The following ZSCAN10 variants were observed in gnomAD, a reference collection of about 807,000 sequenced individuals.
ZSCAN10 encodes the protein zinc finger and SCAN domain-containing protein 10.
In ZSCAN10, 52 loss-of-function variants were observed where a neutral mutation model predicts 63.7. The observed-to-expected ratio is 0.82, with a 90% CI of 0.65 to 1.03. The LOEUF (loss-of-function observed/expected upper bound fraction) is 1.03. Among genes scored for constraint, ZSCAN10 ranks in the 50% least tolerant of loss-of-function variants. The pLI, the probability that ZSCAN10 is intolerant of heterozygous loss-of-function variation, is 0.00. For synonymous variants in ZSCAN10, 544 were observed against 479.6 expected (o/e 1.13, Z -1.76); for missense variants, 1,223 against 1,103.8 (o/e 1.11, Z -1.53).
intron 2 of ZSCAN10, 28 bp downstream of exon 2, chr16:3,092,514 T>C (rs776040355): frequency 3.4e-6 from 5 of 1,473,270 alleles, no homozygotes; most frequent in Non-Finnish European, 4.5e-6. Flanking sequence ...ATCCGCATGC[T>C]GCTCAGCCCG....
At chr16:3,091,950 C>T (rs1957083528) in intron 3 of ZSCAN10, 99 bp downstream of exon 3, 1 of 1,579,660 alleles carries the variant, frequency 6.3e-7, no homozygotes, top group Admixed American at 1.7e-5. Context: ...GCTCTCCTGT[C>T]CTGGTCACCT....
intron 1 of ZSCAN10, among the ~76,000 whole-genome samples, chr16:3,097,522 C>T (rs1208887460): frequency 6.6e-6 from 1 of 152,130 alleles, no homozygotes; most frequent in Non-Finnish European, 1.5e-5. Context: ...CAGGGTGGGG[C>T]CAGATAAGCG....
intron 1 of ZSCAN10, among the ~76,000 whole-genome samples, chr16:3,097,213 C>G (rs1245023100): frequency 6.6e-6 from 1 of 151,414 alleles, no homozygotes; most frequent in African/African-American, 2.4e-5. Flanking sequence ...GTTCCCTGAA[C>G]CTCCTCAGGT....
Position 3,089,672 on chromosome 16 carries a change from C to T in ZSCAN10, c.1762G>A (p.Val588Met). The change falls in exon 6 of 6, where the codon GTG (valine) becomes ATG (methionine). Residue 588 changes from valine (V) to methionine (M), a missense_variant. Val to Met is a conservative substitution (Grantham distance 21). Coordinates refer to ENST00000576985, the MANE Select transcript of ZSCAN10 (RefSeq NM_032805.3). ...TGGCGGGCAAGGCTGGCCCGGCGCA[C>T]AAAGCGCTTCCCGCACTGCGGACAG... ...YACPQCGKRF[V>M]RRASLARHLL... 3.1e-6 allele frequency: 5 copies of T among 1,596,012 alleles called. No individual in the cohort carries two copies. The highest frequency in any genetic ancestry group is 4.3e-6 in the Non-Finnish European group (5 of 1,172,506).
intron 1 of ZSCAN10, among the ~76,000 whole-genome samples, chr16:3,098,059 AAAAG>A (rs1162529634): frequency 3.0e-4 from 45 of 150,234 alleles, no homozygotes; most frequent in Non-Finnish European, 4.1e-4. Flanking sequence ...AAAAAAAAAA[AAAAG>A]AAAGAAAGAA....
Position 3,091,533 on chromosome 16 carries a change from T to C in ZSCAN10, c.787+7A>G. On this transcript the variant is annotated splice_region_variant and intron_variant, in intron 5 of 5. Coordinates refer to ENST00000576985, the MANE Select transcript of ZSCAN10 (RefSeq NM_032805.3). ...AGTGGTCACTTCTCCAGGGAAGGGT[T>C]GCTTACCCAGGGGGTGTGCAGGCCA... is the stretch of plus-strand genomic sequence containing the variant. 1 of 1,614,138 alleles carries C rather than the reference T, an allele frequency of 6.2e-7. No homozygotes were observed. Among genetic ancestry groups the C allele is most frequent in the South Asian group, 1.1e-5 (1 of 91,080 alleles).
At position 3,089,261 on chromosome 16, in the gene ZSCAN10, C is replaced by T. The variant is rs761379857; in HGVS notation, c.2173G>A (p.Glu725Lys). 5.7e-6 allele frequency: 9 copies of T among 1,573,140 alleles called. No individual in the cohort carries two copies. Among genetic ancestry groups the T allele is most frequent in the East Asian group, 2.3e-5 (1 of 44,074 alleles). ...AAGCTCTTCCCGCACTCCACGCACT[C>T]CTGCGGGGGCTCGGCCTGCTCCTGC... ...PGQEQAEPPQECVECGKSFSR... is the reference protein window; with the variant it reads ...PGQEQAEPPQKCVECGKSFSR... Residue 725 changes from glutamate to lysine, a missense_variant, in exon 6 of 6, where the codon GAG (glutamate) becomes AAG (lysine). Physicochemically the swap from Glu to Lys is moderately conservative, Grantham distance 56 (BLOSUM62 1). Coordinates refer to ENST00000576985, the MANE Select transcript of ZSCAN10 (RefSeq NM_032805.3).
At position 3,092,784 on chromosome 16, in the gene ZSCAN10, A is replaced by G. The variant is rs996642041; in HGVS notation, c.154T>C (p.Tyr52His). ...VAHQLFRCFQ[Y>H]QEDMGPRASL... ...GCCCGTGGCCCCATGTCCTCCTGAT[A>G]CTGGAAGCATCTGAACAGCTGGTGA... The change falls in exon 2 of 6, where the codon TAT (tyrosine) becomes CAT (histidine). Residue 52 changes from tyrosine to histidine, a missense_variant. Physicochemically the swap from Tyr to His is moderately conservative, Grantham distance 83. Transcript: ENST00000576985. The G allele has an allele frequency of 1.3e-6, 2 of 1,592,512 alleles. No homozygotes were observed. Among genetic ancestry groups the G allele is most frequent in the African/African-American group, 1.3e-5 (1 of 74,476 alleles).
intron 1 of ZSCAN10, among the ~76,000 whole-genome samples, chr16:3,093,514 C>CA (rs544794714): frequency 0.082 from 7,413 of 90,138 alleles, 224 homozygotes; most frequent in East Asian, 0.17. Flanking sequence ...AGACTCAGAT[C>CA]AAAAAAAAAA....
intron 1 of ZSCAN10, among the ~76,000 whole-genome samples, chr16:3,094,955 T>C (rs1957135415): frequency 6.6e-6 from 1 of 151,258 alleles, no homozygotes; most frequent in Admixed American, 6.6e-5. Flanking sequence ...AAGTCTAGTC[T>C]TGTAATATAT....
chr16:3,089,782 G>T lies in ZSCAN10; in HGVS notation c.1652C>A (p.Ser551Tyr). The T allele has an allele frequency of 1.9e-6, 3 of 1,591,202 alleles. No individual in the cohort carries two copies. Among genetic ancestry groups the T allele is most frequent in the Non-Finnish European group, 2.6e-6 (3 of 1,175,954 alleles). Residue 551 changes from serine (S) to tyrosine (Y), a missense_variant, in exon 6 of 6, where the codon TCC becomes TAC. Physicochemically the swap from Ser to Tyr is moderately radical, Grantham distance 144 (BLOSUM62 -2). Coordinates refer to ENST00000576985, the MANE Select transcript of ZSCAN10 (RefSeq NM_032805.3). ...GAAGCTGCGGCCGCAAGCCTGGCAG[G>T]AGAAGGGCCGCTCGCCCGTGTGCAC... is the stretch of plus-strand genomic sequence containing the variant. ...RRVHTGERPF[S>Y]CQACGRSFTQ... is the part of the protein sequence containing the mutation.
chr16:3,090,531 T>C lies in ZSCAN10; in HGVS notation c.903A>G (p.Gly301=). The part of the protein sequence containing the change: ...ESQADSPGVP[G]EPCAQSLGRG... ...GTCCGAGCGACTGGGCGCAAGGCTC[T>C]CCCGGCACCCCAGGACTATCTGCCT... Residue 301 remains glycine, a synonymous_variant, in exon 6 of 6, where the codon GGA becomes GGG. Coordinates refer to ENST00000576985, the MANE Select transcript of ZSCAN10 (RefSeq NM_032805.3). 2 of 1,612,616 alleles carry C rather than the reference T, an allele frequency of 1.2e-6. No homozygotes were observed. Among genetic ancestry groups the C allele is most frequent in the Non-Finnish European group, 1.7e-6 (2 of 1,179,284 alleles).
Position 3,090,643 on chromosome 16 carries a change from A to C in ZSCAN10, c.791T>G (p.Phe264Cys). 6.5e-7 allele frequency: 1 copy of C among 1,531,262 alleles called. No individual in the cohort carries two copies. Among genetic ancestry groups the C allele is most frequent in the Non-Finnish European group, 8.8e-7 (1 of 1,140,322 alleles). The allele number at this position is 1,531,262 out of a possible 1,614,324, so 94.9% of individuals were successfully genotyped here. Residue 264 changes from phenylalanine to cysteine, a missense_variant, in exon 6 of 6, where the codon TTC (phenylalanine) becomes TGC (cysteine). Phe to Cys is a radical substitution (Grantham distance 205, BLOSUM62 -2). Transcript: ENST00000576985. ...CTCCTTGTCTGGGGTTCTGCTTCCG[A>C]ATCCTGGGAAACAAGACAAAACAGG... Reference protein sequence around the residue: ...NKAWPAHPLGFGSRTPDKEEF... With the variant: ...NKAWPAHPLGCGSRTPDKEEF...
chr16:3,091,371 C>T (rs1358733392), intron 5 of ZSCAN10, among the ~76,000 whole-genome samples, 169 bp downstream of exon 5: 1 of 151,370 alleles, frequency 6.6e-6, no homozygotes, highest in Non-Finnish European at 1.5e-5. Flanking sequence ...TGGCCGGTCA[C>T]GGTGGCTCAT....
intron 5 of ZSCAN10, 77 bp from the exon 6 acceptor site, chr16:3,090,723 G>A: frequency 6.9e-7 from 1 of 1,445,392 alleles, no homozygotes; most frequent in South Asian, 1.4e-5. Context: ...TGATTGGCCT[G>A]GAAGTGGAAA....
At chr16:3,096,797 C>T (rs1957158308) in intron 1 of ZSCAN10, among the ~76,000 whole-genome samples, 1 of 152,028 alleles carries the variant, frequency 6.6e-6, no homozygotes, top group Non-Finnish European at 1.5e-5. Context: ...GACGTGATGG[C>T]ATGCGCCTGT....
At chr16:3,090,755 C>T (rs1377718296) in intron 5 of ZSCAN10, 109 bp from the exon 6 acceptor site, 6 of 1,342,548 alleles carry the variant, frequency 4.5e-6, no homozygotes, top group Non-Finnish European at 5.9e-6. Flanking sequence ...TCCTGCAAAG[C>T]TGGTAGGTAA....
In ZSCAN10 at chr16:3,089,717, T is replaced by C. The variant is rs1439141948; in HGVS notation, c.1717A>G (p.Thr573Ala). 6.2e-7 allele frequency: 1 copy of C among 1,604,170 alleles called. No individual in the cohort carries two copies. Among genetic ancestry groups the C allele is most frequent in the Non-Finnish European group, 8.5e-7 (1 of 1,178,922 alleles). ...GGACAGGCGTAGGGCTTCTCGCCCG[T>C]GTGCACCCGTTGGTGGCTGACCAGC... ...SQLVSHQRVHTGEKPYACPQC... is the reference protein window; with the variant it reads ...SQLVSHQRVHAGEKPYACPQC... Residue 573 changes from threonine to alanine, a missense_variant, in exon 6 of 6, where the codon ACG becomes GCG. Coordinates refer to ENST00000576985, the MANE Select transcript of ZSCAN10 (RefSeq NM_032805.3).
At chr16:3,098,456 G>A (rs779882279) in intron 1 of ZSCAN10, among the ~76,000 whole-genome samples, 1 of 152,156 alleles carries the variant, frequency 6.6e-6, no homozygotes, top group Non-Finnish European at 1.5e-5. Context: ...CCTAGCCTTA[G>A]CCGAAATATC....
Sources: allele counts gnomAD v4.1 joint callset (sites outside exome capture counted in the v4.1 genomes callset), GRCh38; gene constraint gnomAD v4.1.1; transcripts MANE v1.5; gene names NCBI Gene and HGNC (gene_info 2026-07-23, HGNC 2026-07-21).